KRT72: variants seen among roughly 807,000 people sequenced by gnomAD.
KRT72 encodes keratin 72, also known as keratin, type II cytoskeletal 72.
In KRT72, 44 loss-of-function variants were observed where a neutral mutation model predicts 44.7. That is an observed-to-expected ratio of 0.98 (90% confidence interval 0.77 to 1.27). The LOEUF is 1.27. Among genes scored for constraint, KRT72 ranks in the 50% most tolerant of loss-of-function variants. KRT72 has a pLI of 0.00. For synonymous variants in KRT72, 302 were observed against 280.4 expected (o/e 1.08, Z -0.77); for missense variants, 736 against 667.1 (o/e 1.10, Z -1.14).
chr12:52,590,834 A>G lies in KRT72; in HGVS notation c.1089+2T>C, dbSNP rs1178441623. The G allele has an allele frequency of 4.5e-6, 7 of 1,572,206 alleles. No individual in the cohort carries two copies. Among genetic ancestry groups the G allele is most frequent in the African/African-American group, 2.7e-5 (2 of 74,022 alleles). On this transcript the variant is annotated splice_donor_variant, in intron 6 of 8. Transcript: ENST00000293745. LOFTEE classifies it high-confidence loss of function. Reference sequence around the variant, plus strand: ...TTAGTGGATTAATTTCATAGAACCCACCTGCTTCTTCACATTCCCTATCTC... The same window carrying G: ...TTAGTGGATTAATTTCATAGAACCCGCCTGCTTCTTCACATTCCCTATCTC...
chr12:52,592,954 T>C lies in KRT72; in HGVS notation c.642-2A>G, dbSNP rs1195334131. The C allele has an allele frequency of 6.2e-7, 1 of 1,612,816 alleles. No individual in the cohort carries two copies. Among genetic ancestry groups the C allele is most frequent in the Non-Finnish European group, 8.5e-7 (1 of 1,179,424 alleles). On this transcript the variant is annotated splice_acceptor_variant, in intron 2 of 8. Transcript: ENST00000293745. LOFTEE classifies it high-confidence loss of function. ...CGTCTGTTAATCTCCACCTCATACC[T>C]GCATGGGGCAAGACAATGAGGTAAT...
In KRT72 at chr12:52,591,359, T is replaced by TACGCAC. The variant is rs1940011528; in HGVS notation, c.963+104_963+105insGTGCGT. ...AAAGGAGGTCTTGACTGAGCCCAAA[T>TACGCAC]ACACACACACACACAAACACACGCA... On this transcript the variant is annotated intron_variant, in intron 5 of 8. Coordinates refer to ENST00000293745, the MANE Select transcript of KRT72 (RefSeq NM_080747.3). 3 of 1,127,058 alleles carry TACGCAC rather than the reference T, an allele frequency of 2.7e-6. No homozygotes were observed. The South Asian group carries it at 5.5e-5, about 21-fold the overall frequency. The allele number at this position is 1,127,058 out of a possible 1,614,324, so 69.8% of individuals were successfully genotyped here.
At position 52,601,126 on chromosome 12, in the gene KRT72, C is replaced by T. The variant is rs777799663; in HGVS notation, c.327G>A (p.Pro109=). 5.0e-6 allele frequency: 8 copies of T among 1,613,198 alleles called. No homozygotes were observed. The highest frequency in any genetic ancestry group is 3.3e-5 in the Admixed American group (2 of 59,820). The change falls in exon 1 of 9, where the codon CCG becomes CCA. Residue 109 remains proline (P), a synonymous_variant. Transcript: ENST00000293745. ...QVTVNKSLLA[P]LNVEMDPEIQ... Reference sequence around the variant, plus strand: ...TCTCGGGGTCCATCTCCACGTTGAGCGGGGCCAGGAGGCTCTTGTTGACGG... The same window carrying T: ...TCTCGGGGTCCATCTCCACGTTGAGTGGGGCCAGGAGGCTCTTGTTGACGG...
intron 6 of KRT72, among the ~76,000 whole-genome samples, chr12:52,590,147 A>G (rs765262686): frequency 3.9e-5 from 6 of 152,120 alleles, no homozygotes; most frequent in Non-Finnish European, 7.4e-5. Flanking sequence ...TTGAGGACTC[A>G]TGGGTTTGCT....
rs560825174 is a variant in KRT72 at position 52,589,224 on chromosome 12, G to A, written c.1090-1373C>T. ...CATTTGCTTCACACCAAGGAAAGCA[G>A]CTGATCCAAGGCCAAATGGGCTCTA... On this transcript the variant is annotated intron_variant, in intron 6 of 8. Coordinates refer to ENST00000293745, the MANE Select transcript of KRT72 (RefSeq NM_080747.3). Among the ~76,000 whole-genome samples, 198 of 152,262 alleles carry A rather than the reference G, an allele frequency of 1.3e-3. 1 individual carries two copies. The highest frequency in any genetic ancestry group is 2.5e-3 in the Non-Finnish European group (172 of 68,018).
chr12:52,592,350 T>G, intron 4 of KRT72, 46 bp downstream of exon 4: 3 of 1,376,046 alleles, frequency 2.2e-6, no homozygotes, highest in Non-Finnish European at 3.1e-6. Context: ...CAGAAACCTC[T>G]TGTTAAAGGA....
In KRT72 at chr12:52,587,846, G is replaced by A. The variant is rs372905818; in HGVS notation, c.1095C>T (p.Ala365=). The A allele has an allele frequency of 5.9e-5, 96 of 1,613,620 alleles. No homozygotes were observed. The highest frequency in any genetic ancestry group is 7.9e-5 in the Non-Finnish European group (93 of 1,179,808). Residue 365 remains alanine (A), a synonymous_variant, in exon 7 of 9, where the codon GCC becomes GCT. Transcript: ENST00000293745. The stretch of plus-strand genomic sequence containing the variant: ...CGTCGGCGATGGCCGTCTCCAGATC[G>A]GCACACTGAGGGGCAAACAGATCCA... The part of the protein sequence containing the change: ...SEIGNVKKQC[A]DLETAIADAE...
intron 6 of KRT72, among the ~76,000 whole-genome samples, chr12:52,590,526 G>T (rs2120738585): frequency 6.6e-6 from 1 of 152,300 alleles, no homozygotes; most frequent in South Asian, 2.1e-4. Flanking sequence ...CACGTGCTGT[G>T]CACATCACTA....
chr12:52,587,730 G>A lies in KRT72; in HGVS notation c.1211C>T (p.Ala404Val). 6.2e-7 allele frequency: 1 copy of A among 1,614,204 alleles called. No homozygotes were observed. The highest frequency in any genetic ancestry group is 1.1e-5 in the South Asian group (1 of 91,074). Residue 404 changes from alanine (A) to valine (V), a missense_variant, in exon 7 of 9, where the codon GCA (alanine) becomes GTA (valine). Physicochemically the swap from Ala to Val is moderately conservative, Grantham distance 64. Transcript: ENST00000293745. ...GALHQAKEELARMLREYQELV... is the reference protein window; with the variant it reads ...GALHQAKEELVRMLREYQELV... ...CTCCTGGTACTCACGCAGCATCCGT[G>A]CCAGCTCCTCCTTGGCCTGGTGCAG... is the stretch of plus-strand genomic sequence containing the variant.
intron 2 of KRT72, among the ~76,000 whole-genome samples, chr12:52,595,730 G>A (rs1040924653): frequency 1.3e-5 from 2 of 152,168 alleles, no homozygotes; most frequent in African/African-American, 2.4e-5. Flanking sequence ...TACTAACAAT[G>A]TTTTATGTTT....
At chr12:52,592,518 C>G in intron 3 of KRT72, 27 bp from the exon 4 acceptor site, 1 of 1,549,862 alleles carries the variant, frequency 6.5e-7, no homozygotes, top group African/African-American at 1.4e-5. Flanking sequence ...GTCAAGCCGC[C>G]CTGAGAGGGC....
At chr12:52,590,174 A>T (rs1939942222) in intron 6 of KRT72, among the ~76,000 whole-genome samples, 1 of 152,120 alleles carries the variant, frequency 6.6e-6, no homozygotes, top group South Asian at 2.1e-4. Flanking sequence ...AGAGCCACAG[A>T]TGTGGTTGCA....
intron 2 of KRT72, among the ~76,000 whole-genome samples, chr12:52,596,557 C>CT (rs563415298): frequency 0.045 from 6,320 of 141,728 alleles, 375 homozygotes; most frequent in Admixed American, 0.16. Flanking sequence ...TTTTTTCTTT[C>CT]TTTTTTTTTT....
chr12:52,587,787 G>C lies in KRT72; in HGVS notation c.1154C>G (p.Ala385Gly). The change falls in exon 7 of 9, where the codon GCC (alanine) becomes GGC (glycine). Residue 385 changes from alanine to glycine, a missense_variant. Transcript: ENST00000293745. The stretch of plus-strand genomic sequence containing the variant: ...CTCCAGCTCATCCAGCTTGGCCCGG[G>C]CATCTTTCAGGGCGCAGTCCCCCCG... ...EQRGDCALKDARAKLDELEGA... is the reference protein window; with the variant it reads ...EQRGDCALKDGRAKLDELEGA... 6.2e-7 allele frequency: 1 copy of C among 1,614,182 alleles called. No individual in the cohort carries two copies. The highest frequency in any genetic ancestry group is 8.5e-7 in the Non-Finnish European group (1 of 1,180,034).
intron 7 of KRT72, 72 bp from the exon 8 acceptor site, chr12:52,587,052 T>G (rs1298217258): frequency 9.2e-6 from 13 of 1,407,440 alleles, no homozygotes; most frequent in Non-Finnish European, 4.0e-6. Flanking sequence ...GTCACCTCTG[T>G]GAATAAGCCT....
chr12:52,595,948 G>C (rs929828437), intron 2 of KRT72, among the ~76,000 whole-genome samples: 2 of 152,192 alleles, frequency 1.3e-5, no homozygotes, highest in Non-Finnish European at 2.9e-5. Flanking sequence ...AGAAGGATTT[G>C]AATTGTCAGC....
rs756111648 is a variant in KRT72, at chr12:52,591,639, T to C, written c.799-11A>G. ...GATCTGAGTGATCTCCTGGGGACGG[T>C]TGGGGGAGGGGAGCTAGTTAAGGGG... On this transcript the variant is annotated splice_polypyrimidine_tract_variant and intron_variant, in intron 4 of 8. Transcript: ENST00000293745. The C allele has an allele frequency of 2.1e-5, 33 of 1,599,204 alleles. No individual in the cohort carries two copies. Among genetic ancestry groups the C allele is most frequent in the Admixed American group, 3.3e-5 (2 of 59,722 alleles).
intron 6 of KRT72, among the ~76,000 whole-genome samples, chr12:52,589,015 TATTA>T (rs921178696): frequency 4.8e-5 from 7 of 145,230 alleles, no homozygotes; most frequent in Non-Finnish European, 8.8e-5. Context: ...TATATATATA[TATTA>T]ATTAATTAAT....
intron 6 of KRT72, among the ~76,000 whole-genome samples, 196 bp downstream of exon 6, chr12:52,590,640 C>A (rs567872799): frequency 6.6e-6 from 1 of 152,348 alleles, no homozygotes; most frequent in East Asian, 1.9e-4. Flanking sequence ...TCACCTCTCA[C>A]CCCTCTGGGC....
Sources: allele counts gnomAD v4.1 joint callset (sites outside exome capture counted in the v4.1 genomes callset), GRCh38; gene constraint gnomAD v4.1.1; transcripts MANE v1.5; gene names NCBI Gene and HGNC (gene_info 2026-07-23, HGNC 2026-07-21).